The following TAS2R1 variants were observed in gnomAD, a reference collection of about 807,000 sequenced individuals.
TAS2R1 encodes taste receptor type 2 member 1.
For synonymous variants in TAS2R1, 141 were observed against 134.2 expected (o/e 1.05, Z -0.35); for missense variants, 370 against 353.4 (o/e 1.05, Z -0.38).
At chr5:9,879,507 G>A in the TAS2R1 span, among the ~76,000 whole-genome samples, 2 of 152,156 alleles carry the variant, frequency 1.3e-5, no homozygotes, top group Non-Finnish European at 2.9e-5. Flanking sequence ...ACATCTAGCT[G>A]TCCTTTCCAA....
At chr5:9,818,700 C>A in the TAS2R1 span, among the ~76,000 whole-genome samples, 1 of 152,240 alleles carries the variant, frequency 6.6e-6, no homozygotes, top group Non-Finnish European at 1.5e-5. Flanking sequence ...GCACAGGCCA[C>A]TTCATCCACA....
the TAS2R1 span, among the ~76,000 whole-genome samples, chr5:9,890,405 G>A: frequency 7.9e-5 from 12 of 151,882 alleles, no homozygotes; most frequent in South Asian, 1.0e-3. Context: ...TTCCTCCTCC[G>A]CCTCACATCT....
At chr5:9,743,748 C>T in the TAS2R1 span, among the ~76,000 whole-genome samples, 89 of 152,094 alleles carry the variant, frequency 5.9e-4, no homozygotes, top group Non-Finnish European at 1.1e-3. Flanking sequence ...GATTTCTCAC[C>T]CAGACTAAGT....
chr5:9,805,518 A>C, the TAS2R1 span, among the ~76,000 whole-genome samples: 1 of 152,156 alleles, frequency 6.6e-6, no homozygotes, highest in Middle Eastern at 3.2e-3. Flanking sequence ...AGCTAACAGA[A>C]TCTAACAGCA....
intron 2 of TAS2R1, among the ~76,000 whole-genome samples, chr5:9,656,920 C>CAA (rs1740426623): frequency 6.6e-6 from 1 of 151,842 alleles, no homozygotes; most frequent in Admixed American, 6.6e-5. Context: ...ATAAAACAAC[C>CAA]TTAAGAGTGA....
the TAS2R1 span, among the ~76,000 whole-genome samples, chr5:9,828,480 A>G: frequency 6.6e-6 from 1 of 152,208 alleles, no homozygotes; most frequent in East Asian, 1.9e-4. Flanking sequence ...CATTTTAAGT[A>G]TAACATATAA....
the TAS2R1 span, among the ~76,000 whole-genome samples, chr5:9,778,782 G>A: frequency 6.1e-4 from 93 of 152,290 alleles, no homozygotes; most frequent in African/African-American, 2.1e-3. Flanking sequence ...TTAGGCTTTG[G>A]CTTAAGGGGC....
At chr5:9,860,150 A>G in the TAS2R1 span, among the ~76,000 whole-genome samples, 1 of 152,246 alleles carries the variant, frequency 6.6e-6, no homozygotes, top group Non-Finnish European at 1.5e-5. Context: ...TGCATAAAGA[A>G]GAGACCATGA....
chr5:9,825,439 A>G, the TAS2R1 span, among the ~76,000 whole-genome samples: 1 of 152,166 alleles, frequency 6.6e-6, no homozygotes, highest in African/African-American at 2.4e-5. Context: ...TGATTCAATT[A>G]TCTCCCACCA....
chr5:9,729,631 T>C, the TAS2R1 span, among the ~76,000 whole-genome samples: 1 of 152,284 alleles, frequency 6.6e-6, no homozygotes, highest in African/African-American at 2.4e-5. Flanking sequence ...TGCAGGTTTG[T>C]TTGAATGGAG....
the TAS2R1 span, among the ~76,000 whole-genome samples, chr5:9,794,147 C>T: frequency 6.6e-6 from 1 of 152,130 alleles, no homozygotes; most frequent in South Asian, 2.1e-4. Context: ...TGAAACATCT[C>T]TGTTATTCCA....
chr5:9,807,421 A>G, the TAS2R1 span, among the ~76,000 whole-genome samples: 1 of 152,198 alleles, frequency 6.6e-6, no homozygotes, highest in Admixed American at 6.5e-5. Context: ...GAGGAAAAGA[A>G]GTCATTGTAC....
At chr5:9,653,747 G>C (rs1282760625) in intron 2 of TAS2R1, among the ~76,000 whole-genome samples, 1 of 152,244 alleles carries the variant, frequency 6.6e-6, no homozygotes, top group East Asian at 1.9e-4. Flanking sequence ...GCATGATACT[G>C]TATCACTTAC....
chr5:9,690,968 C>T (rs1741237849), intron 1 of TAS2R1, among the ~76,000 whole-genome samples: 1 of 152,196 alleles, frequency 6.6e-6, no homozygotes, highest in East Asian at 1.9e-4. Flanking sequence ...TACCAGGCCT[C>T]ACTCGACAAA....
the TAS2R1 span, among the ~76,000 whole-genome samples, chr5:9,744,258 T>C: frequency 6.6e-6 from 1 of 152,216 alleles, no homozygotes; most frequent in Non-Finnish European, 1.5e-5. Context: ...GTGTATACAT[T>C]TGGAATTGCC....
chr5:9,887,213 A>C, the TAS2R1 span, among the ~76,000 whole-genome samples: 1 of 152,196 alleles, frequency 6.6e-6, no homozygotes, highest in African/African-American at 2.4e-5. Flanking sequence ...AGTAATAATC[A>C]TATGCAGTTA....
chr5:9,899,839 G>T, the TAS2R1 span, among the ~76,000 whole-genome samples: 2 of 152,062 alleles, frequency 1.3e-5, no homozygotes, highest in Non-Finnish European at 2.9e-5. Flanking sequence ...AAGTTGAGAT[G>T]TCCCAATGGA....
the TAS2R1 span, among the ~76,000 whole-genome samples, chr5:9,835,304 G>A: frequency 6.6e-6 from 1 of 152,194 alleles, no homozygotes; most frequent in Non-Finnish European, 1.5e-5. Flanking sequence ...TGGCCAGGGG[G>A]AGCCCTTGTG....
the TAS2R1 span, among the ~76,000 whole-genome samples, chr5:9,855,709 C>T: frequency 1.8e-4 from 27 of 152,316 alleles, no homozygotes; most frequent in African/African-American, 6.3e-4. Context: ...GAACTAAAGG[C>T]TGTGTCAATG....
Sources: gnomAD v4.1 joint callset for allele counts (sites outside exome capture counted in the v4.1 genomes callset) on GRCh38, gnomAD v4.1.1 for gene constraint, MANE v1.5 for transcripts, NCBI Gene and HGNC (gene_info 2026-07-23, HGNC 2026-07-21) for gene names.